ELAPOR1: variants seen among roughly 807,000 people sequenced by gnomAD.
ELAPOR1 encodes endosome/lysosome-associated apoptosis and autophagy regulator 1.
A neutral mutation model predicts 119.7 loss-of-function variants in ELAPOR1; 77 were observed. The observed-to-expected ratio is 0.64, with a 90% CI of 0.54 to 0.78. The LOEUF (loss-of-function observed/expected upper bound fraction) is 0.78, where lower values mean the gene tolerates loss of function less well. Among genes scored for constraint, ELAPOR1 ranks in the 30% least tolerant of loss-of-function variants. The probability of loss-of-function intolerance (pLI) is 0.00; values close to 1 mark genes in which losing one functional copy is unlikely to be tolerated. For missense variants in ELAPOR1, 1,115 were observed against 1,270.4 expected (o/e 0.88, Z 1.86); for synonymous variants, 481 against 487.2 (o/e 0.99, Z 0.17).
At position 109,161,958 on chromosome 1, in the gene ELAPOR1, C is replaced by T. The variant is rs772692783; in HGVS notation, c.218C>T (p.Pro73Leu). The T allele has an allele frequency of 8.7e-6, 14 of 1,613,872 alleles. No individual in the cohort carries two copies. The highest frequency in any genetic ancestry group is 1.1e-5 in the Non-Finnish European group (13 of 1,179,910). The change falls in exon 2 of 22, where the codon CCG becomes CTG. Residue 73 changes from proline to leucine, a missense_variant. Pro to Leu is a moderately conservative substitution (Grantham distance 98, BLOSUM62 -3). Coordinates refer to ENST00000369939, the MANE Select transcript of ELAPOR1 (RefSeq NM_020775.5). ...STGSRWRVAV[P>L]HTPGLCTSLP... ...GGTTCCAGGTGGAGGGTCGCCGTGC[C>T]GCATACCCCGGGCCTGTGCACCAGC...
At chr1:109,149,843 G>C (rs111933662) in intron 1 of ELAPOR1, among the ~76,000 whole-genome samples, 320 of 152,308 alleles carry the variant, frequency 2.1e-3, no homozygotes, top group African/African-American at 7.2e-3. Flanking sequence ...TCGTTGAGAG[G>C]GGGGAGCCAA....
intron 7 of ELAPOR1, among the ~76,000 whole-genome samples, chr1:109,174,135 C>T (rs762859455): frequency 5.3e-5 from 8 of 151,560 alleles, no homozygotes; most frequent in Non-Finnish European, 1.0e-4. Flanking sequence ...GCCTCAGCCT[C>T]CTGAGTAGCT....
chr1:109,171,390 A>C (rs1480048998), intron 3 of ELAPOR1, among the ~76,000 whole-genome samples: 2 of 152,040 alleles, frequency 1.3e-5, no homozygotes, highest in Non-Finnish European at 2.9e-5. Flanking sequence ...TCTACTAAAA[A>C]AAAATACAGA....
intron 1 of ELAPOR1, among the ~76,000 whole-genome samples, chr1:109,145,062 C>G (rs1279919338): frequency 1.3e-5 from 2 of 151,918 alleles, no homozygotes; most frequent in African/African-American, 4.8e-5. Flanking sequence ...GATCTGCTTG[C>G]TGGGGAAAGG....
chr1:109,156,531 T>C (rs1650883296), intron 1 of ELAPOR1, among the ~76,000 whole-genome samples: 1 of 150,182 alleles, frequency 6.7e-6, no homozygotes, highest in African/African-American at 2.5e-5. Flanking sequence ...ATTCTTTCTG[T>C]CTCTATGAAT....
At chr1:109,145,352 G>A (rs951893627) in intron 1 of ELAPOR1, among the ~76,000 whole-genome samples, 12 of 152,070 alleles carry the variant, frequency 7.9e-5, no homozygotes, top group African/African-American at 2.9e-4. Context: ...GACAGACTAA[G>A]ACAATATTCA....
chr1:109,191,669 G>A, intron 12 of ELAPOR1, 57 bp from the exon 13 acceptor site: 1 of 1,604,494 alleles, frequency 6.2e-7, no homozygotes, highest in Non-Finnish European at 8.5e-7. Flanking sequence ...CAGCCACATG[G>A]GCACCCACTT....
intron 8 of ELAPOR1, chr1:109,187,143 G>A: frequency 3.0e-6 from 3 of 985,480 alleles, no homozygotes; most frequent in Non-Finnish European, 3.6e-6. Context: ...TTACATTTCT[G>A]ACCTTGGCTG....
chr1:109,176,606 C>CTTTTTTTTT (rs1166255748), intron 7 of ELAPOR1, among the ~76,000 whole-genome samples: 4 of 127,792 alleles, frequency 3.1e-5, no homozygotes, highest in East Asian at 2.3e-4. Flanking sequence ...CTTTTTTTTT[C>CTTTTTTTTT]TTTTTTTTTT....
intron 7 of ELAPOR1, among the ~76,000 whole-genome samples, chr1:109,177,218 GC>G (rs1652363608): frequency 6.7e-6 from 1 of 150,126 alleles, no homozygotes; most frequent in African/African-American, 2.5e-5. Flanking sequence ...GGACGGGGCG[GC>G]TGGCCGGGCG....
intron 1 of ELAPOR1, among the ~76,000 whole-genome samples, chr1:109,120,984 C>T (rs1227082090): frequency 1.3e-5 from 2 of 152,320 alleles, no homozygotes; most frequent in South Asian, 4.1e-4. Context: ...CTATCTACTG[C>T]TCTCTATTCT....
At chr1:109,115,708 G>T (rs981772530) in intron 1 of ELAPOR1, among the ~76,000 whole-genome samples, 1 of 152,222 alleles carries the variant, frequency 6.6e-6, no homozygotes, top group East Asian at 1.9e-4. Context: ...GTGTGGGGGG[G>T]AGGATTTTTG....
intron 1 of ELAPOR1, among the ~76,000 whole-genome samples, chr1:109,156,238 T>C (rs1650864376): frequency 6.6e-6 from 1 of 152,116 alleles, no homozygotes; most frequent in African/African-American, 2.4e-5. Context: ...TTTTACCTTC[T>C]AGAGTACTCA....
Position 109,172,004 on chromosome 1 carries a change from T to A in ELAPOR1, c.606T>A (p.Phe202Leu), listed in dbSNP as rs1271268140. ...EYYYPDSSII[F>L]EFFVQNDQCQ... ...ACTATCCAGACTCCAGCATCATCTT[T>A]GAGTTTTTCGTAAGCCCCTGGCCAA... Residue 202 changes from phenylalanine (F) to leucine (L), a missense_variant, in exon 4 of 22, where the codon TTT becomes TTA. Coordinates refer to ENST00000369939, the MANE Select transcript of ELAPOR1 (RefSeq NM_020775.5). The A allele has an allele frequency of 1.2e-6, 2 of 1,614,094 alleles. No homozygotes were observed. Among genetic ancestry groups the A allele is most frequent in the African/African-American group, 2.7e-5 (2 of 74,928 alleles).
chr1:109,134,486 T>A (rs1649338000), intron 1 of ELAPOR1, among the ~76,000 whole-genome samples: 1 of 152,076 alleles, frequency 6.6e-6, no homozygotes, highest in African/African-American at 2.4e-5. Context: ...AGTAGCTTCC[T>A]CTAAAACCAG....
intron 3 of ELAPOR1, 34 bp downstream of exon 3, chr1:109,164,725 C>G (rs750251022): frequency 1.3e-6 from 2 of 1,577,068 alleles, no homozygotes; most frequent in South Asian, 2.3e-5. Context: ...CCACCCCCAG[C>G]CCACTGGGTA....
In ELAPOR1 at chr1:109,203,318, T is replaced by A. The variant is rs1480180733; in HGVS notation, c.*306T>A. The stretch of plus-strand genomic sequence containing the variant: ...GCTCATAATTCTTATAGCTTTGGAA[T>A]GAAAATATTTCTATCTTCTTAAGTA... On this transcript the variant is annotated 3_prime_UTR_variant, in exon 22 of 22. Coordinates refer to ENST00000369939, the MANE Select transcript of ELAPOR1 (RefSeq NM_020775.5). 5.7e-6 allele frequency: 2 copies of A among 352,916 alleles called. No individual in the cohort carries two copies. Among genetic ancestry groups the A allele is most frequent in the Non-Finnish European group, 5.2e-6 (1 of 194,162 alleles). The allele number at this position is 352,916 out of a possible 1,614,324, so 21.9% of individuals were successfully genotyped here. A position where few individuals can be genotyped will look rare whatever the true frequency, so the allele number is the denominator to read the frequency against.
At chr1:109,154,296 A>G (rs897437678) in intron 1 of ELAPOR1, among the ~76,000 whole-genome samples, 1 of 151,706 alleles carries the variant, frequency 6.6e-6, no homozygotes, top group Non-Finnish European at 1.5e-5. Context: ...AAAAAAAAAA[A>G]AAAAAAAGAA....
chr1:109,173,868 G>A (rs759738207), intron 7 of ELAPOR1, 31 bp downstream of exon 7: 4 of 1,610,122 alleles, frequency 2.5e-6, no homozygotes, highest in South Asian at 1.1e-5. Flanking sequence ...AAGAGTTTGG[G>A]GATAGAGAGT....
Sources: allele counts gnomAD v4.1 joint callset (sites outside exome capture counted in the v4.1 genomes callset), GRCh38; gene constraint gnomAD v4.1.1; transcripts MANE v1.5; gene names NCBI Gene and HGNC (gene_info 2026-07-23, HGNC 2026-07-21).